The following COBL variants were observed in gnomAD, a reference collection of about 807,000 sequenced individuals.
COBL encodes cordon-bleu WH2 repeat protein.
In COBL, 51 loss-of-function variants were observed where a neutral mutation model predicts 98.8. The observed-to-expected ratio is 0.52, with a 90% CI of 0.41 to 0.65. The LOEUF (loss-of-function observed/expected upper bound fraction) is 0.65. COBL is among the 30% of genes least tolerant of loss of function. COBL has a pLI of 0.00. For missense variants in COBL, 1,617 were observed against 1,617.5 expected, an observed-to-expected ratio of 1.00 and a Z score of 0.01; for synonymous variants, 634 against 651.7, an observed-to-expected ratio of 0.97 and a Z score of 0.41.
intron 1 of COBL, among the ~76,000 whole-genome samples, chr7:51,255,178 A>G (rs964287718): frequency 3.3e-5 from 5 of 152,206 alleles, no homozygotes; most frequent in African/African-American, 1.2e-4. Context: ...AAACATTTAA[A>G]ATACATGATG....
intron 5 of COBL, chr7:51,172,513 C>A: frequency 7.8e-7 from 1 of 1,287,908 alleles, no homozygotes; most frequent in Non-Finnish European, 1.0e-6. Context: ...CTGCACCCGA[C>A]AGCACGAGCT....
At chr7:51,118,780 G>C (rs1797505923) in intron 6 of COBL, among the ~76,000 whole-genome samples, 1 of 152,160 alleles carries the variant, frequency 6.6e-6, no homozygotes, top group Non-Finnish European at 1.5e-5. Flanking sequence ...TCAAATCCAG[G>C]CAAAGCCTAT....
chr7:51,111,798 G>C (rs1056243158), intron 6 of COBL, among the ~76,000 whole-genome samples: 1 of 152,202 alleles, frequency 6.6e-6, no homozygotes. Flanking sequence ...GTGCCAGCCA[G>C]GGCATGTGAT....
At chr7:51,208,072 C>G (rs1173159291) in intron 2 of COBL, among the ~76,000 whole-genome samples, 3 of 151,596 alleles carry the variant, frequency 2.0e-5, no homozygotes, top group Non-Finnish European at 4.4e-5. Context: ...GGGAGCGCCT[C>G]TGCCCCGCCG....
At chr7:51,058,578 C>CAACAAA (rs1283437906) in intron 7 of COBL, among the ~76,000 whole-genome samples, 1 of 150,404 alleles carries the variant, frequency 6.6e-6, no homozygotes, top group Admixed American at 6.7e-5. Flanking sequence ...ACAACAACAA[C>CAACAAA]AACAACAACA....
chr7:51,020,518 T>C (rs1242488277), intron 12 of COBL, among the ~76,000 whole-genome samples: 1 of 152,214 alleles, frequency 6.6e-6, no homozygotes, highest in East Asian at 1.9e-4. Context: ...GTTTTAAATA[T>C]ACACATGGAT....
chr7:51,247,985 A>T, intron 1 of COBL, among the ~76,000 whole-genome samples: 1 of 151,954 alleles, frequency 6.6e-6, no homozygotes, highest in East Asian at 1.9e-4. Flanking sequence ...CTAAACATAC[A>T]AAAGTTAGCT....
chr7:51,192,528 C>T (rs916328035), intron 3 of COBL, among the ~76,000 whole-genome samples: 3 of 152,116 alleles, frequency 2.0e-5, no homozygotes, highest in Non-Finnish European at 4.4e-5. Context: ...ACTGCTTGAA[C>T]CTGGGAGGCA....
chr7:51,184,710 C>T lies in COBL; in HGVS notation c.686-511G>A, dbSNP rs79948657. ...CTTCACAATCCAGCAGCCCTTTAGG[C>T]TTACAGCATATCAGTGTGGACTCGG... On this transcript the variant is annotated intron_variant, in intron 4 of 12. Transcript: ENST00000265136. Among the ~76,000 whole-genome samples the T allele has an allele frequency of 5.3e-3, 803 of 152,328 alleles. 48 individuals are homozygous for T. In the East Asian group the frequency reaches 0.13, roughly 24 times the overall value.
chr7:51,217,883 T>A (rs558258832), intron 2 of COBL, among the ~76,000 whole-genome samples: 1 of 152,366 alleles, frequency 6.6e-6, no homozygotes, highest in South Asian at 2.1e-4. Context: ...CCACTGTGCA[T>A]GAACCCTGGG....
At chr7:51,244,832 C>A (rs959015511) in intron 1 of COBL, among the ~76,000 whole-genome samples, 1 of 152,200 alleles carries the variant, frequency 6.6e-6, no homozygotes, top group Non-Finnish European at 1.5e-5. Context: ...CTGGGCTCCA[C>A]CTTCACCACG....
chr7:51,163,328 A>G (rs1488938896), intron 5 of COBL, among the ~76,000 whole-genome samples: 1 of 152,234 alleles, frequency 6.6e-6, no homozygotes, highest in Non-Finnish European at 1.5e-5. Context: ...ACATAAGTAG[A>G]TATCAATAAA....
At chr7:51,052,743 C>G (rs932467604) in intron 7 of COBL, among the ~76,000 whole-genome samples, 6 of 152,192 alleles carry the variant, frequency 3.9e-5, no homozygotes, top group African/African-American at 1.4e-4. Flanking sequence ...AAAGGTGAGG[C>G]AGCCACCATC....
At chr7:51,145,491 G>C (rs1415194953) in intron 5 of COBL, among the ~76,000 whole-genome samples, 1 of 151,332 alleles carries the variant, frequency 6.6e-6, no homozygotes, top group Non-Finnish European at 1.5e-5. Flanking sequence ...AGCTTCTCCT[G>C]CCTCCGCTTC....
chr7:51,219,999 C>T (rs1043122410), intron 1 of COBL, 55 bp from the exon 2 acceptor site: 28 of 1,526,958 alleles, frequency 1.8e-5, no homozygotes, highest in South Asian at 7.4e-5. Flanking sequence ...CTACCTGCCT[C>T]GGAATAATTC....
At chr7:51,146,467 T>C (rs1785040729) in intron 5 of COBL, among the ~76,000 whole-genome samples, 1 of 152,172 alleles carries the variant, frequency 6.6e-6, no homozygotes, top group Non-Finnish European at 1.5e-5. Context: ...CTTGAGGTTC[T>C]CTTGGCAATC....
chr7:51,151,786 C>T (rs964506644), intron 5 of COBL, among the ~76,000 whole-genome samples: 1 of 152,226 alleles, frequency 6.6e-6, no homozygotes, highest in Non-Finnish European at 1.5e-5. Context: ...TAGGACAGAG[C>T]TTTGAATCAT....
At chr7:51,161,215 C>A (rs1052859303) in intron 5 of COBL, among the ~76,000 whole-genome samples, 3 of 152,152 alleles carry the variant, frequency 2.0e-5, no homozygotes, top group Admixed American at 2.0e-4. Context: ...AACACTGCCA[C>A]CCTGTGGCAG....
intron 2 of COBL, among the ~76,000 whole-genome samples, chr7:51,214,296 T>C (rs1317388206): frequency 6.6e-6 from 1 of 150,598 alleles, no homozygotes; most frequent in African/African-American, 2.4e-5. Context: ...AATAAATAAA[T>C]AAATAAATAA....
Sources: gnomAD v4.1 joint callset for allele counts (sites outside exome capture counted in the v4.1 genomes callset) on GRCh38, gnomAD v4.1.1 for gene constraint, MANE v1.5 for transcripts, NCBI Gene and HGNC (gene_info 2026-07-23, HGNC 2026-07-21) for gene names.